COPS7A: variants seen among roughly 807,000 people sequenced by gnomAD.
COPS7A encodes COP9 signalosome subunit 7A.
COPS7A carries 20 observed loss-of-function variants against 35.2 expected under a neutral mutation model. The ratio of observed to expected loss-of-function variants is 0.57; its 90% CI spans 0.40 to 0.83. The LOEUF (loss-of-function observed/expected upper bound fraction) is 0.83, where lower values mean the gene tolerates loss of function less well. COPS7A is among the 40% of genes least tolerant of loss of function. The pLI is 0.00. For synonymous variants in COPS7A, 139 were observed against 141.4 expected, an observed-to-expected ratio of 0.98 and a Z score of 0.12; for missense variants, 247 against 347.5, an observed-to-expected ratio of 0.71 and a Z score of 2.30.
intron 2 of COPS7A, 159 bp from the exon 3 acceptor site, chr12:6,727,767 G>A (rs1333336477): frequency 1.4e-6 from 1 of 717,824 alleles, no homozygotes; most frequent in Admixed American, 2.0e-5. Context: ...CTTCCTATGT[G>A]AAGAGTGATC....
Position 6,730,420 on chromosome 12 carries a change from C to A in COPS7A, c.549C>A (p.Val183=). Residue 183 remains valine, a synonymous_variant, in exon 6 of 8, where the codon GTC becomes GTA. Coordinates refer to ENST00000543155, the MANE Select transcript of COPS7A (RefSeq NM_001164094.2). ...CCTGCAGGTGTGTGGGCTGTGAGGT[C>A]GTGCTGTCAGGCATTGAGGAGCAGG... The part of the protein sequence containing the change: ...TLQEWCVGCE[V]VLSGIEEQVS... The A allele has an allele frequency of 1.2e-6, 2 of 1,613,986 alleles. No homozygotes were observed. Among genetic ancestry groups the A allele is most frequent in the Non-Finnish European group, 1.7e-6 (2 of 1,179,996 alleles).
chr12:6,728,811 G>C (rs1592471041), intron 4 of COPS7A, among the ~76,000 whole-genome samples: 1 of 152,268 alleles, frequency 6.6e-6, no homozygotes, highest in East Asian at 1.9e-4. Flanking sequence ...GCTCTCTATT[G>C]AGAGATACCT....
rs1436547006 is a variant in COPS7A, at chr12:6,728,121, C to G, written c.239-102C>G. ...ATCCCTGGATGCATAGGGTCAGGGT[C>G]AAGACCTGAATTGGCATTGAAAGTG... On this transcript the variant is annotated intron_variant, in intron 3 of 7. Transcript: ENST00000543155. 4 of 1,450,982 alleles carry G rather than the reference C, an allele frequency of 2.8e-6. No homozygotes were observed. The African/African-American group carries it at 5.6e-5, about 20-fold the overall frequency. The allele number at this position is 1,450,982 out of a possible 1,614,324, so 89.9% of individuals were successfully genotyped here. A position where few individuals can be genotyped will look rare whatever the true frequency, so the allele number is the denominator to read the frequency against.
Position 6,727,967 on chromosome 12 carries a change from A to G in COPS7A, c.204A>G (p.Thr68=), listed in dbSNP as rs763221912. The change falls in exon 3 of 8, where the codon ACA becomes ACG. Residue 68 remains threonine (T), a synonymous_variant. Coordinates refer to ENST00000543155, the MANE Select transcript of COPS7A (RefSeq NM_001164094.2). ...SDFASTFRLL[T]VFAYGTYADY... ...TTGCCTCTACCTTCCGGCTGCTCAC[A>G]GTGTTTGCTTATGGGACATACGCTG... 5 of 1,614,040 alleles carry G rather than the reference A, an allele frequency of 3.1e-6. No individual in the cohort carries two copies. The East Asian group carries it at 1.1e-4, about 36-fold the overall frequency.
rs754028865 is a variant in COPS7A at position 6,724,599 on chromosome 12, C to T, written c.-43-15C>T. ...CCATCGGGGACCTCTAGCTTCACAT[C>T]CTCTTTCCTTGCAGCTCTGGACATC... On this transcript the variant is annotated splice_polypyrimidine_tract_variant and intron_variant, in intron 1 of 7. Coordinates refer to ENST00000543155, the MANE Select transcript of COPS7A (RefSeq NM_001164094.2). The T allele has an allele frequency of 1.9e-5, 31 of 1,608,114 alleles. No homozygotes were observed. The highest frequency in any genetic ancestry group is 1.1e-4 in the South Asian group (10 of 90,800).
At chr12:6,724,567 C>T (rs761458426) in intron 1 of COPS7A, 47 bp from the exon 2 acceptor site, 3 of 1,520,194 alleles carry the variant, frequency 2.0e-6, no homozygotes, top group South Asian at 1.1e-5. Context: ...GCTTCCCATC[C>T]GACCAGCCAT....
At chr12:6,725,656 G>A (rs938178364) in intron 2 of COPS7A, 6 of 455,916 alleles carry the variant, frequency 1.3e-5, no homozygotes, top group Non-Finnish European at 2.2e-5. Flanking sequence ...AGAGACACAT[G>A]GCAAACTGCT....
Position 6,729,201 on chromosome 12 carries a change from C to T in COPS7A, c.328-46C>T. On this transcript the variant is annotated intron_variant, in intron 4 of 7. Transcript: ENST00000543155. This position sits in a 1 kb window ranked among gnomAD's most constrained non-coding sequence, Gnocchi z 4.2. Reference sequence around the variant, plus strand: ...AGGGAAGATTTTTGGAAGCCCTTCTCTACTACGGAGCGTCACAAATCCTGG... The same window carrying T: ...AGGGAAGATTTTTGGAAGCCCTTCTTTACTACGGAGCGTCACAAATCCTGG... The T allele has an allele frequency of 6.2e-7, 1 of 1,604,610 alleles. No individual in the cohort carries two copies. The highest frequency in any genetic ancestry group is 8.5e-7 in the Non-Finnish European group (1 of 1,171,696).
At chr12:6,730,573 A>G in intron 6 of COPS7A, 66 bp downstream of exon 6, 1 of 1,611,878 alleles carries the variant, frequency 6.2e-7, no homozygotes. Flanking sequence ...CTTTGCAGAG[A>G]GAATTTGGAC....
intron 1 of COPS7A, 88 bp downstream of exon 1, chr12:6,724,267 G>T (rs1323425468): frequency 5.3e-6 from 2 of 376,548 alleles, no homozygotes; most frequent in Admixed American, 3.7e-5. Flanking sequence ...TTCAATGGGG[G>T]TGAGGTCACG....
intron 2 of COPS7A, chr12:6,725,854 T>C (rs750618021): frequency 4.4e-6 from 2 of 456,100 alleles, no homozygotes; most frequent in South Asian, 3.1e-5. Context: ...TTTCCCTGCT[T>C]TCATCTGCAG....
Position 6,726,449 on chromosome 12 carries a change from A to G in COPS7A, c.163-1477A>G, listed in dbSNP as rs570780043. Among the ~76,000 whole-genome samples the G allele has an allele frequency of 2.6e-5, 4 of 151,710 alleles. No homozygotes were observed. In the East Asian group the frequency reaches 5.8e-4, roughly 22 times the overall value. On this transcript the variant is annotated intron_variant, in intron 2 of 7. Transcript: ENST00000543155. ...AAACCCCGTCTCTGCTAAAAATACA[A>G]AAATTAGCCGGGCGCGGTGGCAGGC...
chr12:6,731,443 C>A lies in COPS7A; in HGVS notation c.*404C>A. On this transcript the variant is annotated 3_prime_UTR_variant, in exon 8 of 8. Transcript: ENST00000543155. The stretch of plus-strand genomic sequence containing the variant: ...CATGCCTGATCCCCAGTTCCTATAC[C>A]CTACCCCTGACCTATTGAGCAGCCT... The A allele has an allele frequency of 1.5e-6, 1 of 664,274 alleles. No individual in the cohort carries two copies. Among genetic ancestry groups the A allele is most frequent in the Non-Finnish European group, 2.1e-6 (1 of 468,622 alleles). The allele number at this position is 664,274 out of a possible 1,614,324, so 41.1% of individuals were successfully genotyped here.
chr12:6,726,427 C>T (rs1170479254), intron 2 of COPS7A, among the ~76,000 whole-genome samples: 1 of 151,776 alleles, frequency 6.6e-6, no homozygotes, highest in Non-Finnish European at 1.5e-5. Context: ...GATGGCAAAA[C>T]CCCGTCTCTG....
At position 6,724,649 on chromosome 12, in the gene COPS7A, G is replaced by A. The variant is rs1941204277; in HGVS notation, c.-8G>A. 3 of 1,614,068 alleles carry A rather than the reference G, an allele frequency of 1.9e-6. No homozygotes were observed. The highest frequency in any genetic ancestry group is 2.5e-6 in the Non-Finnish European group (3 of 1,179,988). On this transcript the variant is annotated 5_prime_UTR_variant, in exon 2 of 8. In the 5' UTR this introduces an upstream ATG that the reference lacks. Transcript: ENST00000543155. ...CCTGAGCCCAAGTCCCCCACACTCA[G>A]TGCAGTGATGAGTGCGGAAGTGAAG...
rs140864400 is a variant in COPS7A, at chr12:6,730,830, G to A, written c.788+10G>A. ...CCTCAAAGGGCAAGGGGTGAGCCAG[G>A]GTAGCAGGAACTGCTCACTTGCAGG... On this transcript the variant is annotated intron_variant, in intron 7 of 7. Transcript: ENST00000543155. 6.2e-7 allele frequency: 1 copy of A among 1,613,832 alleles called. No homozygotes were observed. Among genetic ancestry groups the A allele is most frequent in the African/African-American group, 1.3e-5 (1 of 75,022 alleles).
rs577106197 is a variant in COPS7A, at chr12:6,725,393, G to A, written c.162+575G>A. Among the ~76,000 whole-genome samples, 14 of 152,104 alleles carry A rather than the reference G, an allele frequency of 9.2e-5. No homozygotes were observed. In the South Asian group the frequency reaches 2.9e-3, roughly 32 times the overall value. ...AGGATGATCTCGATCTCCTGACCTCGTGATCCGCCCGCCTTGACCTCCCAA... is the reference window on the plus strand; with the variant it reads ...AGGATGATCTCGATCTCCTGACCTCATGATCCGCCCGCCTTGACCTCCCAA... On this transcript the variant is annotated intron_variant, in intron 2 of 7. Transcript: ENST00000543155.
intron 4 of COPS7A, 46 bp downstream of exon 4, chr12:6,728,357 A>G (rs370636110): frequency 9.7e-6 from 15 of 1,552,174 alleles, no homozygotes; most frequent in Non-Finnish European, 1.2e-5. Context: ...ATCCTTTTGT[A>G]TGTCCTTGGG....
intron 1 of COPS7A, 43 bp downstream of exon 1, chr12:6,724,222 T>C: frequency 3.8e-6 from 1 of 260,236 alleles, no homozygotes; most frequent in South Asian, 3.0e-5. Flanking sequence ...CGCTGGGCGG[T>C]GTCTTTAAGG....
Sources: allele counts gnomAD v4.1 joint callset (sites outside exome capture counted in the v4.1 genomes callset), GRCh38; gene constraint gnomAD v4.1.1; non-coding constraint Gnocchi (gnomAD v3.1); transcripts MANE v1.5; gene names NCBI Gene and HGNC (gene_info 2026-07-23, HGNC 2026-07-21).